Variants in FAM163A observed in about 807,000 individuals in gnomAD.
FAM163A encodes the protein family with sequence similarity 163 member A.
A neutral mutation model predicts 12.0 loss-of-function variants in FAM163A; 7 were observed. The ratio of observed to expected loss-of-function variants is 0.58; its 90% CI spans 0.33 to 1.10. FAM163A has a LOEUF of 1.10. Ranked by LOEUF, FAM163A falls within the 50% of genes least tolerant of loss-of-function variation. The pLI, the probability that FAM163A is intolerant of heterozygous loss-of-function variation, is 0.03. For synonymous variants in FAM163A, 101 were observed against 91.0 expected (o/e 1.11, Z -0.62); for missense variants, 202 against 218.6 (o/e 0.92, Z 0.48).
intron 1 of FAM163A, among the ~76,000 whole-genome samples, chr1:179,769,526 C>G (rs1332916909): frequency 1.3e-5 from 2 of 152,196 alleles, no homozygotes; most frequent in Non-Finnish European, 2.9e-5. Context: ...AAGAACTCAG[C>G]AGATTATTGC....
At chr1:179,752,051 TA>T (rs1685345270) in intron 1 of FAM163A, among the ~76,000 whole-genome samples, 1 of 152,146 alleles carries the variant, frequency 6.6e-6, no homozygotes, top group Admixed American at 6.5e-5. Flanking sequence ...TTTCAAACTA[TA>T]TTATAAAACT....
chr1:179,783,126 T>A (rs1690030060), intron 1 of FAM163A, among the ~76,000 whole-genome samples: 2 of 116,172 alleles, frequency 1.7e-5, no homozygotes, highest in Admixed American at 7.7e-5. Flanking sequence ...TGAAACTCCG[T>A]CTTAAAAAAA....
At chr1:179,780,099 G>A (rs1689513469) in intron 1 of FAM163A, among the ~76,000 whole-genome samples, 1 of 152,180 alleles carries the variant, frequency 6.6e-6, no homozygotes, top group Non-Finnish European at 1.5e-5. Flanking sequence ...GGCCAGGCAG[G>A]TTCATGTGAA....
At chr1:179,787,308 T>G (rs1305600055) in intron 1 of FAM163A, among the ~76,000 whole-genome samples, 2 of 152,108 alleles carry the variant, frequency 1.3e-5, no homozygotes, top group African/African-American at 4.8e-5. Context: ...ACCTGCTTGA[T>G]CTAAAATGCA....
chr1:179,756,554 C>T (rs1335231637), intron 1 of FAM163A, among the ~76,000 whole-genome samples: 1 of 152,120 alleles, frequency 6.6e-6, no homozygotes, highest in East Asian at 1.9e-4. Flanking sequence ...CTGTTTTAGA[C>T]CATTTGATTT....
Position 179,761,519 on chromosome 1 carries a change from C to T in FAM163A, c.-136+18096C>T, listed in dbSNP as rs1049458045. Among the ~76,000 whole-genome samples the T allele has an allele frequency of 5.3e-5, 8 of 152,304 alleles. No individual in the cohort carries two copies. The South Asian group carries it at 1.0e-3, about 20-fold the overall frequency. On this transcript the variant is annotated intron_variant, in intron 1 of 4. Coordinates refer to ENST00000341785, the MANE Select transcript of FAM163A (RefSeq NM_173509.3). ...CATAAAGTCTTGTTACTACGACAGC[C>T]GGTAGCCTTGATGTCTGTGTCTTTA...
At chr1:179,793,885 A>G (rs1042685103) in intron 1 of FAM163A, among the ~76,000 whole-genome samples, 1 of 152,190 alleles carries the variant, frequency 6.6e-6, no homozygotes, top group East Asian at 1.9e-4. Context: ...TCTGACTTAC[A>G]GGTATTCTCC....
At chr1:179,769,291 G>A (rs1463473590) in intron 1 of FAM163A, among the ~76,000 whole-genome samples, 1 of 151,902 alleles carries the variant, frequency 6.6e-6, no homozygotes, top group Non-Finnish European at 1.5e-5. Context: ...GACCACAGTT[G>A]CATGCCACCA....
chr1:179,744,384 C>T (rs986566267), intron 1 of FAM163A, among the ~76,000 whole-genome samples: 1 of 151,992 alleles, frequency 6.6e-6, no homozygotes, highest in Non-Finnish European at 1.5e-5. Context: ...GGACGAGGCC[C>T]GCATTGGGCT....
chr1:179,794,790 G>A (rs1692030211), intron 1 of FAM163A, among the ~76,000 whole-genome samples: 1 of 152,180 alleles, frequency 6.6e-6, no homozygotes, highest in South Asian at 2.1e-4. Flanking sequence ...TATTACATGG[G>A]AGTGAACCCT....
At chr1:179,775,405 G>A (rs755357584) in intron 1 of FAM163A, among the ~76,000 whole-genome samples, 6 of 152,216 alleles carry the variant, frequency 3.9e-5, no homozygotes, top group Non-Finnish European at 7.3e-5. Context: ...AGAAAAGGTG[G>A]GGATTTGCAA....
At chr1:179,782,560 C>T (rs993103425) in intron 1 of FAM163A, among the ~76,000 whole-genome samples, 3 of 152,054 alleles carry the variant, frequency 2.0e-5, no homozygotes, top group South Asian at 2.1e-4. Context: ...TCTCAGAGGC[C>T]GTTGGCCAGG....
chr1:179,736,653 CA>C, the FAM163A span, among the ~76,000 whole-genome samples: 14 of 148,466 alleles, frequency 9.4e-5, no homozygotes, highest in East Asian at 3.9e-4. Context: ...ACTAAAAATA[CA>C]AAAAAAAAAT....
At position 179,814,574 on chromosome 1, in the gene FAM163A, C is replaced by T; in HGVS notation, c.*385C>T. On this transcript the variant is annotated 3_prime_UTR_variant, in exon 5 of 5. Coordinates refer to ENST00000341785, the MANE Select transcript of FAM163A (RefSeq NM_173509.3). ...AGGCTCAGGAGGCCTCCCGGGTCCTCGGGAGATGAAGCATCCGTGCCTAGG... is the reference window on the plus strand; with the variant it reads ...AGGCTCAGGAGGCCTCCCGGGTCCTTGGGAGATGAAGCATCCGTGCCTAGG... The T allele has an allele frequency of 5.8e-6, 1 of 173,836 alleles. No individual in the cohort carries two copies. Among genetic ancestry groups the T allele is most frequent in the Non-Finnish European group, 1.2e-5 (1 of 82,454 alleles). The allele number at this position is 173,836 out of a possible 1,614,324, so 10.8% of individuals were successfully genotyped here. A position where few individuals can be genotyped will look rare whatever the true frequency, so the allele number is the denominator to read the frequency against.
intron 1 of FAM163A, among the ~76,000 whole-genome samples, chr1:179,756,939 G>A (rs957704343): frequency 1.3e-5 from 2 of 152,210 alleles, no homozygotes; most frequent in Admixed American, 1.3e-4. Context: ...TTTCAGAATA[G>A]CGAGTAGGAG....
At chr1:179,733,061 T>C in the FAM163A span, among the ~76,000 whole-genome samples, 1 of 152,066 alleles carries the variant, frequency 6.6e-6, no homozygotes, top group Non-Finnish European at 1.5e-5. Flanking sequence ...AATGTGAATA[T>C]GAAGCACATA....
intron 1 of FAM163A, among the ~76,000 whole-genome samples, chr1:179,786,868 G>A (rs965460859): frequency 2.0e-5 from 3 of 152,154 alleles, no homozygotes; most frequent in Non-Finnish European, 4.4e-5. Flanking sequence ...GGACCCAGGA[G>A]CCGAGGCCCT....
In FAM163A at chr1:179,757,395, A is replaced by G. The variant is rs548623102; in HGVS notation, c.-136+13972A>G. ...TTTGGCCTTTAGACATGGAGTGGAG[A>G]GAATGAGTTGGGGTAATCCTGGATA... On this transcript the variant is annotated intron_variant, in intron 1 of 4. Transcript: ENST00000341785. 7.2e-5 allele frequency among the ~76,000 whole-genome samples: 11 copies of G among 152,242 alleles called. No individual in the cohort carries two copies. The East Asian group carries it at 2.1e-3, about 29-fold the overall frequency.
At chr1:179,759,607 C>T (rs1184463306) in intron 1 of FAM163A, among the ~76,000 whole-genome samples, 2 of 151,924 alleles carry the variant, frequency 1.3e-5, no homozygotes, top group Non-Finnish European at 2.9e-5. Context: ...TCATAGGCTG[C>T]AGATAGGGAC....
Sources: gnomAD v4.1 joint callset for allele counts (sites outside exome capture counted in the v4.1 genomes callset) on GRCh38, gnomAD v4.1.1 for gene constraint, MANE v1.5 for transcripts, NCBI Gene and HGNC (gene_info 2026-07-23, HGNC 2026-07-21) for gene names.